The following ST8SIA6 variants were observed in gnomAD, a reference collection of about 807,000 sequenced individuals.
ST8SIA6 encodes ST8 alpha-N-acetyl-neuraminide alpha-2,8-sialyltransferase 6, also known as alpha-2,8-sialyltransferase 8F.
In ST8SIA6, 39 loss-of-function variants were observed where a neutral mutation model predicts 33.6. The ratio of observed to expected loss-of-function variants is 1.16; its 90% CI spans 0.90 to 1.52. ST8SIA6 has a LOEUF of 1.52. Ranked by LOEUF, ST8SIA6 falls within the 40% of genes most tolerant of loss-of-function variation. The probability of loss-of-function intolerance (pLI) is 0.00; values close to 1 mark genes in which losing one functional copy is unlikely to be tolerated. For missense variants in ST8SIA6, 441 were observed against 443.8 expected, an observed-to-expected ratio of 0.99 and a Z score of 0.06; for synonymous variants, 172 against 167.2, an observed-to-expected ratio of 1.03 and a Z score of -0.22.
chr10:17,349,662 C>T (rs1191016049), intron 4 of ST8SIA6, among the ~76,000 whole-genome samples: 1 of 152,148 alleles, frequency 6.6e-6, no homozygotes, highest in African/African-American at 2.4e-5. Flanking sequence ...GTAACTTATT[C>T]ACTTACAGGG....
intron 3 of ST8SIA6, among the ~76,000 whole-genome samples, chr10:17,374,764 T>TATATATATATATATATATATATACACAC (rs1441288579): frequency 3.2e-4 from 41 of 126,840 alleles, no homozygotes; most frequent in Middle Eastern, 3.9e-3. Flanking sequence ...TATATATATA[T>TATATATATATATATATATATATACACAC]ATATTTAGCT....
At chr10:17,372,657 T>C (rs560986153) in intron 3 of ST8SIA6, among the ~76,000 whole-genome samples, 78 of 152,354 alleles carry the variant, frequency 5.1e-4, no homozygotes, top group African/African-American at 1.8e-3. Context: ...ATAATAATTA[T>C]CGTCATTATG....
chr10:17,323,391 CCTT>C (rs1315229537), intron 6 of ST8SIA6, among the ~76,000 whole-genome samples: 1 of 136,862 alleles, frequency 7.3e-6, no homozygotes, highest in African/African-American at 2.7e-5. Flanking sequence ...AAAATATACA[CCTT>C]TTTTTTTTTT....
chr10:17,350,504 C>G (rs1457915873), intron 4 of ST8SIA6, among the ~76,000 whole-genome samples: 1 of 152,094 alleles, frequency 6.6e-6, no homozygotes, highest in Non-Finnish European at 1.5e-5. Context: ...GCCTGGGCCA[C>G]ATAGTGAGAC....
chr10:17,382,951 AATAAAGGTT>A (rs1417420360), intron 3 of ST8SIA6, among the ~76,000 whole-genome samples: 2 of 152,206 alleles, frequency 1.3e-5, no homozygotes, highest in African/African-American at 2.4e-5. Flanking sequence ...CCAACTCCTT[AATAAAGGTT>A]ATAAAGGTTA....
chr10:17,388,642 T>C lies in ST8SIA6; in HGVS notation c.290+1889A>G, dbSNP rs556645495. On this transcript the variant is annotated intron_variant, in intron 3 of 7. Transcript: ENST00000377602. ...TCAGCAATACCTCTTACTGAAACCA[T>C]CTTTGAAAATTATAACTGAGGAAAT... Among the ~76,000 whole-genome samples the C allele has an allele frequency of 2.6e-5, 4 of 152,288 alleles. No individual in the cohort carries two copies. The East Asian group carries it at 7.7e-4, about 29-fold the overall frequency.
At chr10:17,365,481 A>T (rs2131624969) in intron 3 of ST8SIA6, among the ~76,000 whole-genome samples, 1 of 152,290 alleles carries the variant, frequency 6.6e-6, no homozygotes, top group South Asian at 2.1e-4. Context: ...AACAATTCAT[A>T]AGTTTAAAAT....
chr10:17,443,509 C>A (rs1205389923), intron 2 of ST8SIA6, among the ~76,000 whole-genome samples: 7 of 152,100 alleles, frequency 4.6e-5, no homozygotes, highest in Non-Finnish European at 8.8e-5. Context: ...AGCAAGATAA[C>A]AAAAATTGTT....
At chr10:17,427,128 A>G (rs536210218) in intron 2 of ST8SIA6, among the ~76,000 whole-genome samples, 26 of 151,324 alleles carry the variant, frequency 1.7e-4, no homozygotes, top group Middle Eastern at 3.4e-3. Flanking sequence ...AGTTCTGTGC[A>G]TGAAAGGGGG....
intron 2 of ST8SIA6, among the ~76,000 whole-genome samples, chr10:17,406,414 C>T (rs1056661271): frequency 6.6e-6 from 1 of 152,206 alleles, no homozygotes; most frequent in Admixed American, 6.5e-5. Flanking sequence ...CTTGTCACTT[C>T]TCTGAGCTGT....
chr10:17,358,820 C>A (rs916348687), intron 4 of ST8SIA6, among the ~76,000 whole-genome samples: 1 of 151,934 alleles, frequency 6.6e-6, no homozygotes, highest in Non-Finnish European at 1.5e-5. Context: ...GAAGCCCCGC[C>A]CCCCAAAAAA....
intron 4 of ST8SIA6, among the ~76,000 whole-genome samples, chr10:17,339,804 A>C (rs1848616672): frequency 6.6e-6 from 1 of 152,230 alleles, no homozygotes; most frequent in African/African-American, 2.4e-5. Context: ...GATGAGGATA[A>C]CTTAGGATCA....
At chr10:17,424,755 TGA>T (rs1851882967) in intron 2 of ST8SIA6, among the ~76,000 whole-genome samples, 1 of 150,940 alleles carries the variant, frequency 6.6e-6, no homozygotes, top group African/African-American at 2.4e-5. Context: ...TTTTTTTTTT[TGA>T]AACAGAGTCT....
chr10:17,383,125 CT>C (rs920695436), intron 3 of ST8SIA6, among the ~76,000 whole-genome samples: 35 of 145,072 alleles, frequency 2.4e-4, no homozygotes, highest in African/African-American at 2.3e-4. Context: ...AAGGTTTTCA[CT>C]TTTTTTTTTT....
At chr10:17,435,775 G>A (rs1852236286) in intron 2 of ST8SIA6, among the ~76,000 whole-genome samples, 1 of 152,224 alleles carries the variant, frequency 6.6e-6, no homozygotes, top group South Asian at 2.1e-4. Context: ...TGCCCATTGT[G>A]TCTGTGTCTC....
chr10:17,400,265 G>C (rs1473488112), intron 2 of ST8SIA6, among the ~76,000 whole-genome samples: 2 of 152,186 alleles, frequency 1.3e-5, no homozygotes, highest in African/African-American at 2.4e-5. Context: ...AGGTGCATTG[G>C]CTCATACCTG....
chr10:17,336,587 A>G (rs1848505966), intron 4 of ST8SIA6, among the ~76,000 whole-genome samples: 1 of 140,254 alleles, frequency 7.1e-6, no homozygotes, highest in Admixed American at 7.3e-5. Flanking sequence ...ATTATATCAC[A>G]TGTGTGCTTT....
At chr10:17,448,359 G>A (rs568571379) in intron 2 of ST8SIA6, among the ~76,000 whole-genome samples, 1 of 152,240 alleles carries the variant, frequency 6.6e-6, no homozygotes, top group African/African-American at 2.4e-5. Flanking sequence ...TGTCCAGGAC[G>A]TCACGGCCAG....
In ST8SIA6 at chr10:17,321,406, G is replaced by T. The variant is rs919271915; in HGVS notation, c.729-60C>A. ...GAATAATAATCAAAGTAGCAGTTTT[G>T]ATAACATAAAGCTGAATTTACCATT... On this transcript the variant is annotated intron_variant, in intron 7 of 7. Coordinates refer to ENST00000377602, the MANE Select transcript of ST8SIA6 (RefSeq NM_001004470.3). 19 of 1,376,570 alleles carry T rather than the reference G, an allele frequency of 1.4e-5. No homozygotes were observed. In the African/African-American group the frequency reaches 2.5e-4, roughly 18 times the overall value. The allele number at this position is 1,376,570 out of a possible 1,614,324, so 85.3% of individuals were successfully genotyped here. A position where few individuals can be genotyped will look rare whatever the true frequency, so the allele number is the denominator to read the frequency against.
Sources: allele counts gnomAD v4.1 joint callset (sites outside exome capture counted in the v4.1 genomes callset), GRCh38; gene constraint gnomAD v4.1.1; transcripts MANE v1.5; gene names NCBI Gene and HGNC (gene_info 2026-07-23, HGNC 2026-07-21).